OSBPL8: variants seen among roughly 807,000 people sequenced by gnomAD.
OSBPL8 encodes the protein oxysterol-binding protein-related protein 8.
A neutral mutation model predicts 125.5 loss-of-function variants in OSBPL8; 59 were observed. The ratio of observed to expected loss-of-function variants is 0.47; its 90% CI spans 0.38 to 0.58. The LOEUF (loss-of-function observed/expected upper bound fraction) is 0.58. Among genes scored for constraint, OSBPL8 ranks in the 20% least tolerant of loss-of-function variants. The pLI is 0.00. For synonymous variants in OSBPL8, 330 were observed against 338.9 expected (o/e 0.97, Z 0.29); for missense variants, 758 against 1,047.8 (o/e 0.72, Z 3.82).
chr12:76,423,218 T>C (rs1324571119), intron 4 of OSBPL8: 1 of 152,302 alleles, frequency 6.6e-6, no homozygotes, highest in African/African-American at 2.4e-5. Context: ...TGATTAAACA[T>C]TCATAAGGAA....
intron 4 of OSBPL8, among the ~76,000 whole-genome samples, chr12:76,447,759 C>T (rs1872884980): frequency 6.6e-6 from 1 of 152,126 alleles, no homozygotes; most frequent in Admixed American, 6.5e-5. Context: ...GTTGGCCAGG[C>T]TGGTCTCGAA....
intron 2 of OSBPL8, among the ~76,000 whole-genome samples, chr12:76,482,338 G>A (rs1877592906): frequency 6.6e-6 from 1 of 152,232 alleles, no homozygotes; most frequent in Admixed American, 6.5e-5. Flanking sequence ...GATAGGCCAG[G>A]TGCAGTGGCT....
intron 3 of OSBPL8, among the ~76,000 whole-genome samples, chr12:76,451,650 T>A (rs1873427282): frequency 6.6e-6 from 1 of 152,188 alleles, no homozygotes. Flanking sequence ...TGCTTTGTAG[T>A]TGCTTCTCAC....
chr12:76,432,787 AAAG>A (rs1478299310), intron 4 of OSBPL8, among the ~76,000 whole-genome samples: 1 of 152,156 alleles, frequency 6.6e-6, no homozygotes, highest in Non-Finnish European at 1.5e-5. Context: ...GACTAAGAAA[AAAG>A]AAGATTCACA....
intron 1 of OSBPL8, among the ~76,000 whole-genome samples, chr12:76,528,252 G>A (rs533533264): frequency 6.6e-6 from 1 of 151,586 alleles, no homozygotes; most frequent in South Asian, 2.1e-4. Flanking sequence ...ACTGGGACCT[G>A]GGAGGCGGAG....
chr12:76,411,269 C>T (rs1046721157), intron 4 of OSBPL8, among the ~76,000 whole-genome samples: 1 of 152,086 alleles, frequency 6.6e-6, no homozygotes, highest in Non-Finnish European at 1.5e-5. Context: ...TAGCACTATG[C>T]ATAAACCAAT....
At chr12:76,484,132 C>T (rs1180167090) in intron 2 of OSBPL8, among the ~76,000 whole-genome samples, 10 of 152,180 alleles carry the variant, frequency 6.6e-5, no homozygotes, top group Admixed American at 6.5e-4. Flanking sequence ...TGGTCTCTAT[C>T]TGGCATATCC....
At chr12:76,536,712 G>A (rs1425504808) in intron 1 of OSBPL8, among the ~76,000 whole-genome samples, 1 of 151,876 alleles carries the variant, frequency 6.6e-6, no homozygotes, top group African/African-American at 2.4e-5. Context: ...TACAGGTGGA[G>A]GGAATGGTAA....
intron 4 of OSBPL8, among the ~76,000 whole-genome samples, chr12:76,427,349 GTA>G (rs1565888545): frequency 6.6e-6 from 1 of 151,826 alleles, no homozygotes; most frequent in East Asian, 1.9e-4. Flanking sequence ...GCACATATGT[GTA>G]TATGTGTATT....
At chr12:76,409,133 G>A (rs1226292796) in intron 5 of OSBPL8, among the ~76,000 whole-genome samples, 1 of 151,862 alleles carries the variant, frequency 6.6e-6, no homozygotes, top group Non-Finnish European at 1.5e-5. Flanking sequence ...GAAAATATAG[G>A]GGCATACTGA....
intron 21 of OSBPL8, among the ~76,000 whole-genome samples, chr12:76,359,812 C>T (rs570532950): frequency 1.3e-5 from 2 of 152,226 alleles, no homozygotes; most frequent in African/African-American, 4.8e-5. Flanking sequence ...GGGGAAACTG[C>T]CCCTATGATT....
chr12:76,463,519 T>C (rs1404602160), intron 2 of OSBPL8, among the ~76,000 whole-genome samples: 4 of 152,308 alleles, frequency 2.6e-5, no homozygotes, highest in East Asian at 1.9e-4. Flanking sequence ...AAGAAAAATA[T>C]AAATTATGTA....
At chr12:76,524,235 ACTGT>A (rs1423209941) in intron 1 of OSBPL8, among the ~76,000 whole-genome samples, 2 of 152,176 alleles carry the variant, frequency 1.3e-5, no homozygotes, top group Non-Finnish European at 2.9e-5. Flanking sequence ...TAAATTAAAA[ACTGT>A]CTATGAAAGC....
intron 2 of OSBPL8, among the ~76,000 whole-genome samples, chr12:76,464,407 G>T (rs1382312675): frequency 6.6e-6 from 1 of 152,132 alleles, no homozygotes; most frequent in Non-Finnish European, 1.5e-5. Flanking sequence ...AGATATATCA[G>T]TAATAAAAGT....
intron 1 of OSBPL8, among the ~76,000 whole-genome samples, chr12:76,516,866 G>A (rs1357554879): frequency 4.0e-5 from 6 of 149,722 alleles, no homozygotes; most frequent in Non-Finnish European, 8.9e-5. Context: ...TCAGGCTGGA[G>A]TGCAGTGGCG....
intron 18 of OSBPL8, among the ~76,000 whole-genome samples, chr12:76,372,818 A>G (rs896912884): frequency 5.3e-5 from 8 of 152,310 alleles, no homozygotes; most frequent in African/African-American, 1.7e-4. Context: ...TCCATGTTCC[A>G]CTGAAAGGAA....
At position 76,547,222 on chromosome 12, in the gene OSBPL8, AAACAAGATTTGCATTCTGCCAATGCAG is replaced by A. The variant is rs1472904904; in HGVS notation, c.-68+12148_-68+12174del. 2.6e-5 allele frequency among the ~76,000 whole-genome samples: 4 copies of A among 152,352 alleles called. No homozygotes were observed. The East Asian group carries it at 7.7e-4, about 29-fold the overall frequency. On this transcript the variant is annotated intron_variant, in intron 1 of 23. Transcript: ENST00000261183. ...ATTAAACAAGATTAAGAGCAGAATT[AAACAAGATTTGCATTCTGCCAATGCAG>A]AAATATCACAGAAGAGAGGGAAATT...
chr12:76,444,700 T>C (rs1872560554), intron 4 of OSBPL8, among the ~76,000 whole-genome samples: 1 of 152,230 alleles, frequency 6.6e-6, no homozygotes, highest in Non-Finnish European at 1.5e-5. Flanking sequence ...GGTCCAGAAG[T>C]TGCTACATCA....
intron 21 of OSBPL8, among the ~76,000 whole-genome samples, chr12:76,366,248 C>G (rs949056671): frequency 4.6e-5 from 7 of 152,190 alleles, no homozygotes; most frequent in Non-Finnish European, 1.0e-4. Flanking sequence ...GATTCAATCT[C>G]TTTATTGTTA....
Sources: allele counts gnomAD v4.1 joint callset (sites outside exome capture counted in the v4.1 genomes callset), GRCh38; gene constraint gnomAD v4.1.1; transcripts MANE v1.5; gene names NCBI Gene and HGNC (gene_info 2026-07-23, HGNC 2026-07-21).